NODAL: variants seen among roughly 807,000 people sequenced by gnomAD.
NODAL encodes nodal growth differentiation factor, also known as nodal homolog.
Under a neutral mutation model 34.0 loss-of-function variants are expected in NODAL, and 12 were observed. The ratio of observed to expected loss-of-function variants is 0.35; its 90% CI spans 0.23 to 0.57. NODAL has a LOEUF of 0.57. Ranked by LOEUF, NODAL falls within the 20% of genes least tolerant of loss-of-function variation. The pLI, the probability that NODAL is intolerant of heterozygous loss-of-function variation, is 0.83. For missense variants in NODAL, 390 were observed against 444.2 expected (o/e 0.88, Z 1.10); for synonymous variants, 162 against 186.4 (o/e 0.87, Z 1.07).
upstream of NODAL, among the ~76,000 whole-genome samples, chr10:70,442,461 G>C (rs1458818486): frequency 6.6e-6 from 1 of 152,222 alleles, no homozygotes; most frequent in Non-Finnish European, 1.5e-5. Flanking sequence ...CTGGGTGTCG[G>C]CTCAGGGCCA....
At chr10:70,437,207 C>G (rs1456214776) in intron 1 of NODAL, among the ~76,000 whole-genome samples, 2 of 152,122 alleles carry the variant, frequency 1.3e-5, no homozygotes, top group East Asian at 3.9e-4. Context: ...CTTTGGGAGG[C>G]CAAGGCGGGT....
chr10:70,445,452 G>T (rs564176802), upstream of NODAL, among the ~76,000 whole-genome samples: 3 of 152,188 alleles, frequency 2.0e-5, no homozygotes, highest in African/African-American at 7.2e-5. Context: ...TAGAGATGGG[G>T]TTTCACCGTG....
intron 1 of NODAL, among the ~76,000 whole-genome samples, chr10:70,437,950 C>CA (rs1845377436): frequency 6.6e-6 from 1 of 152,148 alleles, no homozygotes; most frequent in African/African-American, 2.4e-5. Flanking sequence ...ACTCAGCACT[C>CA]ACTGCTGCCA....
intron 1 of NODAL, among the ~76,000 whole-genome samples, chr10:70,438,231 T>G (rs1409381486): frequency 1.3e-5 from 2 of 151,980 alleles, no homozygotes; most frequent in Non-Finnish European, 2.9e-5. Flanking sequence ...GAGGTGGAGG[T>G]TGCAGTGAGC....
exon 1 of NODAL, chr10:70,447,948 G>T (rs751151493): frequency 4.2e-6 from 2 of 471,092 alleles, no homozygotes; most frequent in South Asian, 3.1e-5. Flanking sequence ...CCCAACTGTT[G>T]GTCTTGGAGG....
intron 1 of NODAL, among the ~76,000 whole-genome samples, chr10:70,440,929 CCTCA>C (rs982289043): frequency 2.3e-4 from 35 of 152,286 alleles, no homozygotes; most frequent in Non-Finnish European, 4.4e-4. Context: ...ACCCATTCAC[CCTCA>C]CTCGCAGAAA....
At chr10:70,445,746 A>G (rs1385610249), upstream of NODAL, among the ~76,000 whole-genome samples, 1 of 152,214 alleles carries the variant, frequency 6.6e-6, no homozygotes, top group Non-Finnish European at 1.5e-5. Context: ...AACAGCCAGT[A>G]TGTGAAGGGT....
intron 1 of NODAL, among the ~76,000 whole-genome samples, 167 bp downstream of exon 1, chr10:70,441,308 G>A (rs1454158560): frequency 6.6e-6 from 1 of 152,244 alleles, no homozygotes. Flanking sequence ...GCCTGCTGAC[G>A]CGGAGACACC....
chr10:70,445,299 C>T (rs12414119), upstream of NODAL, among the ~76,000 whole-genome samples: 13,022 of 152,160 alleles, frequency 0.086, 756 homozygotes, highest in East Asian at 0.23. Context: ...GCTCTGTCGC[C>T]CAGACTAGAG....
In NODAL at chr10:70,432,781, T is replaced by G; in HGVS notation, c.*155A>C. ...GGCCAGACTCCACTGAGCCCTTCAT[T>G]TACAGAGTGGGCAGCCCCTCCTCTT... On this transcript the variant is annotated 3_prime_UTR_variant, in exon 3 of 3. Coordinates refer to ENST00000287139, the MANE Select transcript of NODAL (RefSeq NM_018055.5). 1 of 829,734 alleles carries G rather than the reference T, an allele frequency of 1.2e-6. No individual in the cohort carries two copies. 51.4% of individuals were successfully genotyped at this position (829,734 alleles called of 1,614,324 possible).
chr10:70,441,632 G>C lies in NODAL; in HGVS notation c.36C>G (p.Ala12=), dbSNP rs765840635. The change falls in exon 1 of 3, where the codon GCC becomes GCG. Residue 12 remains alanine (A), a synonymous_variant. Coordinates refer to ENST00000287139, the MANE Select transcript of NODAL (RefSeq NM_018055.5). The stretch of plus-strand genomic sequence containing the variant: ...CACCCGCCTGGAGTAGGGCCCACCA[G>C]GCGTGCAGAAGGAAGGGCAGGCAGT... ...HAHCLPFLLH[A]WWALLQAGAA... is the part of the protein sequence containing the mutation. 2 of 1,551,918 alleles carry C rather than the reference G, an allele frequency of 1.3e-6. No homozygotes were observed. The highest frequency in any genetic ancestry group is 1.4e-5 in the African/African-American group (1 of 73,314).
intron 2 of NODAL, 199 bp downstream of exon 2, chr10:70,435,087 G>T (rs1418355778): frequency 8.4e-6 from 5 of 596,404 alleles, no homozygotes; most frequent in Non-Finnish European, 1.5e-5. Flanking sequence ...ACCCAGTGAC[G>T]CATGACCCCA....
chr10:70,432,986 G>A lies in NODAL; in HGVS notation c.994C>T (p.Leu332Phe). The change falls in exon 3 of 3, where the codon CTC becomes TTC. Residue 332 changes from leucine to phenylalanine, a missense_variant. Coordinates refer to ENST00000287139, the MANE Select transcript of NODAL (RefSeq NM_018055.5). ...ATCATGTCTTTATGGTGATCTAGGA[G>A]CACTCTGCCATTATCCACATACAGC... ...SMLYVDNGRV[L>F]LDHHKDMIVE... is the part of the protein sequence containing the mutation. The A allele has an allele frequency of 6.2e-7, 1 of 1,614,062 alleles. No homozygotes were observed. Among genetic ancestry groups the A allele is most frequent in the Non-Finnish European group, 8.5e-7 (1 of 1,180,040 alleles).
chr10:70,432,878 C>G lies in NODAL; in HGVS notation c.*58G>C, dbSNP rs1349022404. ...CTGGATTAGATGGTTATCATGTCTT[C>G]CAGGAGTTTCCCAGCCTTCCAGAGT... is the stretch of plus-strand genomic sequence containing the variant. On this transcript the variant is annotated 3_prime_UTR_variant, in exon 3 of 3. Transcript: ENST00000287139. 2 of 1,597,156 alleles carry G rather than the reference C, an allele frequency of 1.3e-6. No individual in the cohort carries two copies. Among genetic ancestry groups the G allele is most frequent in the African/African-American group, 1.3e-5 (1 of 74,578 alleles).
intron 1 of NODAL, among the ~76,000 whole-genome samples, chr10:70,438,444 TCA>T (rs746218824): frequency 6.6e-6 from 1 of 152,218 alleles, no homozygotes; most frequent in Non-Finnish European, 1.5e-5. Flanking sequence ...TCTCTGAGCC[TCA>T]GTTTCCCTCT....
At chr10:70,445,318 T>C (rs761441488), upstream of NODAL, among the ~76,000 whole-genome samples, 4 of 152,142 alleles carry the variant, frequency 2.6e-5, no homozygotes, top group Non-Finnish European at 4.4e-5. Flanking sequence ...AGTGCAGTGG[T>C]GCCATCTCGG....
At chr10:70,443,494 T>C (rs1845454318), upstream of NODAL, among the ~76,000 whole-genome samples, 1 of 151,718 alleles carries the variant, frequency 6.6e-6, no homozygotes. Context: ...TTGAGACCAG[T>C]CTGGTCAACA....
At chr10:70,441,375 C>G in intron 1 of NODAL, 100 bp downstream of exon 1, 1 of 1,363,344 alleles carries the variant, frequency 7.3e-7, no homozygotes, top group Non-Finnish European at 1.0e-6. Context: ...CGGCTCGGAG[C>G]CGCAGCCCCC....
At chr10:70,444,637 T>A (rs549622229), upstream of NODAL, among the ~76,000 whole-genome samples, 1 of 152,272 alleles carries the variant, frequency 6.6e-6, no homozygotes, top group South Asian at 2.1e-4. Context: ...CTCCAGTGAT[T>A]CTGATCAGCC....
Sources: allele counts gnomAD v4.1 joint callset (sites outside exome capture counted in the v4.1 genomes callset), GRCh38; gene constraint gnomAD v4.1.1; transcripts MANE v1.5; gene names NCBI Gene and HGNC (gene_info 2026-07-23, HGNC 2026-07-21).